AHNAK: variants seen among roughly 807,000 people sequenced by gnomAD.
The protein encoded by AHNAK is neuroblast differentiation-associated protein AHNAK.
In AHNAK, 23 loss-of-function variants were observed where a neutral mutation model predicts 37.8. The observed-to-expected ratio is 0.61, with a 90% CI of 0.44 to 0.86. The LOEUF is 0.86. Among genes scored for constraint, AHNAK ranks in the 40% least tolerant of loss-of-function variants. The pLI is 0.00. For missense variants in AHNAK, 7,411 were observed against 7,319.4 expected, an observed-to-expected ratio of 1.01 and a Z score of -0.46; for synonymous variants, 2,481 against 2,636.3, an observed-to-expected ratio of 0.94 and a Z score of 1.80.
Position 62,529,021 on chromosome 11 carries a change from A to C in AHNAK, c.5396T>G (p.Ile1799Arg), listed in dbSNP as rs759184806. 3 of 1,613,804 alleles carry C rather than the reference A, an allele frequency of 1.9e-6. No individual in the cohort carries two copies. The African/African-American group carries it at 4.0e-5, about 22-fold the overall frequency. ...NLKGPKLKGE[I>R]DASVPELEGD... is the part of the protein sequence containing the mutation. ...TTCCAGTTCTGGCACAGAAGCATCT[A>C]TCTCTCCCTTCAGTTTGGGTCCCTT... The change falls in exon 5 of 5, where the codon ATA (isoleucine) becomes AGA (arginine). Residue 1799 changes from isoleucine to arginine, a missense_variant. By Grantham distance (97) the Ile-to-Arg change is moderately conservative. Transcript: ENST00000378024.
At chr11:62,474,809 T>A (rs929379541) in intron 5 of AHNAK, among the ~76,000 whole-genome samples, 1 of 152,200 alleles carries the variant, frequency 6.6e-6, no homozygotes, top group Non-Finnish European at 1.5e-5. Context: ...CCCAACATCC[T>A]GGTGCTTGAA....
At chr11:62,433,589 C>A in exon 6 of AHNAK, 1 of 502,974 alleles carries the variant, frequency 2.0e-6, no homozygotes, top group Non-Finnish European at 3.5e-6. Context: ...AGGATAATCA[C>A]CTGAGCACCA....
At position 62,522,400 on chromosome 11, in the gene AHNAK, A is replaced by G; in HGVS notation, c.12017T>C (p.Phe4006Ser). 1 of 1,614,096 alleles carries G rather than the reference A, an allele frequency of 6.2e-7. No individual in the cohort carries two copies. The highest frequency in any genetic ancestry group is 8.5e-7 in the Non-Finnish European group (1 of 1,180,014). Residue 4006 changes from phenylalanine to serine, a missense_variant, in exon 5 of 5, where the codon TTT becomes TCT. By Grantham distance (155) the Phe-to-Ser change is radical. Transcript: ENST00000378024. ...IKAPKISMPD[F>S]DLHLKGPKVK... ...CTTAGGGCCTTTCAGATGCAAATCA[A>G]AGTCAGGCATGGAGATCTTGGGGGC...
At chr11:62,439,664 G>GTTTTTTTTTTTTT (rs1565194563) in intron 5 of AHNAK, among the ~76,000 whole-genome samples, 3 of 126,420 alleles carry the variant, frequency 2.4e-5, no homozygotes, top group Admixed American at 1.7e-4. Flanking sequence ...ATTTTTGTGT[G>GTTTTTTTTTTTTT]ATTTTTTTTT....
At chr11:62,485,636 A>G (rs1203056680) in intron 5 of AHNAK, among the ~76,000 whole-genome samples, 1 of 143,152 alleles carries the variant, frequency 7.0e-6, no homozygotes, top group Non-Finnish European at 1.5e-5. Context: ...TGGGAGGCAG[A>G]GGTTACAGTG....
Position 62,532,778 on chromosome 11 carries a change from T to C in AHNAK, c.1639A>G (p.Asn547Asp). ...GGGCCTGTCAAGGTTCCCTCTAGGT[T>C]TGGTGTCTCTATGTCCACTCTGGAG... ...KGSRVDIETPNLEGTLTGPRL... is the reference protein window; with the variant it reads ...KGSRVDIETPDLEGTLTGPRL... Residue 547 changes from asparagine to aspartate, a missense_variant, in exon 5 of 5, where the codon AAC becomes GAC. By Grantham distance (23) the Asn-to-Asp change is conservative (BLOSUM62 1). Coordinates refer to ENST00000378024, the MANE Select transcript of AHNAK (RefSeq NM_001620.3). 3 of 1,614,144 alleles carry C rather than the reference T, an allele frequency of 1.9e-6. No homozygotes were observed. The highest frequency in any genetic ancestry group is 2.5e-6 in the Non-Finnish European group (3 of 1,180,030).
intron 5 of AHNAK, among the ~76,000 whole-genome samples, chr11:62,442,398 A>G (rs1344295458): frequency 6.6e-6 from 1 of 152,048 alleles, no homozygotes; most frequent in Non-Finnish European, 1.5e-5. Flanking sequence ...AAATACAAAA[A>G]TTAGCCAGGC....
chr11:62,525,934 ATCTCTGGCATCT>A lies in AHNAK; in HGVS notation c.8471_8482del (p.Lys2824_Glu2827del). ...GGATATCTTTGGAGTCTTAAAATGC[ATCTCTGGCATCT>A]TAAACTTTGGACTTTTCCACTTTCC... On this transcript the variant is annotated inframe_deletion, in exon 5 of 5. Coordinates refer to ENST00000378024, the MANE Select transcript of AHNAK (RefSeq NM_001620.3). 1 of 1,614,216 alleles carries A rather than the reference ATCTCTGGCATCT, an allele frequency of 6.2e-7. No individual in the cohort carries two copies. Among genetic ancestry groups the A allele is most frequent in the Non-Finnish European group, 8.5e-7 (1 of 1,180,036 alleles).
In AHNAK at chr11:62,517,780, G is replaced by A; in HGVS notation, c.16637C>T (p.Pro5546Leu). ...GAAPDISVKG[P>L]AFNMASPESD... Reference sequence around the variant, plus strand: ...CTCAGGAGATGCCATATTAAAGGCAGGCCCCTTCACACTGATATCAGGAGC... The same window carrying A: ...CTCAGGAGATGCCATATTAAAGGCAAGCCCCTTCACACTGATATCAGGAGC... The change falls in exon 5 of 5, where the codon CCT becomes CTT. Residue 5546 changes from proline (P) to leucine (L), a missense_variant. By Grantham distance (98) the Pro-to-Leu change is moderately conservative. Coordinates refer to ENST00000378024, the MANE Select transcript of AHNAK (RefSeq NM_001620.3). 1 of 1,614,142 alleles carries A rather than the reference G, an allele frequency of 6.2e-7. No homozygotes were observed. The highest frequency in any genetic ancestry group is 8.5e-7 in the Non-Finnish European group (1 of 1,180,024).
At chr11:62,449,991 T>C (rs187846268) in intron 5 of AHNAK, among the ~76,000 whole-genome samples, 73 of 152,268 alleles carry the variant, frequency 4.8e-4, no homozygotes, top group African/African-American at 1.7e-3. Flanking sequence ...ACATCTGTAA[T>C]CCCAGTGCTT....
chr11:62,474,842 C>T (rs539442287), intron 5 of AHNAK, among the ~76,000 whole-genome samples: 1 of 152,276 alleles, frequency 6.6e-6, no homozygotes, highest in East Asian at 1.9e-4. Flanking sequence ...TCTTCCTTCT[C>T]CCACCTTCAG....
At chr11:62,484,936 C>T (rs113369178) in intron 5 of AHNAK, among the ~76,000 whole-genome samples, 50 of 152,136 alleles carry the variant, frequency 3.3e-4, no homozygotes, top group African/African-American at 1.1e-3. Flanking sequence ...ATTACAGGCA[C>T]GCGCCACCAC....
rs1172387950 is a variant in AHNAK at position 62,524,210 on chromosome 11, A to G, written c.10207T>C (p.Phe3403Leu). The change falls in exon 5 of 5, where the codon TTT becomes CTT. Residue 3403 changes from phenylalanine to leucine, a missense_variant. Transcript: ENST00000378024. Reference protein sequence around the residue: ...EVQGKVKGSKFKMPFLSISSP... With the variant: ...EVQGKVKGSKLKMPFLSISSP... ...GAAATACTCAGGAAAGGCATTTTAA[A>G]CTTGGATCCTTTCACTTTTCCTTGG... 4 of 1,612,840 alleles carry G rather than the reference A, an allele frequency of 2.5e-6. No homozygotes were observed. In the Admixed American group the frequency reaches 5.0e-5, roughly 20 times the overall value.
chr11:62,508,586 T>C (rs1234887177), intron 4 of AHNAK, among the ~76,000 whole-genome samples: 1 of 152,202 alleles, frequency 6.6e-6, no homozygotes, highest in Non-Finnish European at 1.5e-5. Flanking sequence ...TGGTGGAAAA[T>C]AACAGAGGCA....
At chr11:62,534,772 T>C (rs928267083) in intron 4 of AHNAK, among the ~76,000 whole-genome samples, 2 of 152,084 alleles carry the variant, frequency 1.3e-5, no homozygotes, top group Non-Finnish European at 2.9e-5. Context: ...TCCCATACTG[T>C]GGCCGCTCTG....
rs1565194563 is a variant in AHNAK, at chr11:62,439,664, G to GTTTTTT, written c.443-5774_443-5773insAAAAAA. On this transcript the variant is annotated intron_variant, in intron 5 of 5. Coordinates refer to the AHNAK transcript ENST00000257247. ...TTTGGTTTGTTTTGGATTTTTGTGT[G>GTTTTTT]ATTTTTTTTTTTTTTTTTTTTGAGA... 8.7e-5 allele frequency among the ~76,000 whole-genome samples: 11 copies of GTTTTTT among 126,422 alleles called. 4 individuals carry two copies. The highest frequency in any genetic ancestry group is 1.7e-4 in the Admixed American group (2 of 11,526). 82.9% of individuals were successfully genotyped at this position (126,422 alleles called of 152,430 possible).
At chr11:62,486,579 C>T (rs1409785358) in intron 5 of AHNAK, among the ~76,000 whole-genome samples, 2 of 151,104 alleles carry the variant, frequency 1.3e-5, no homozygotes, top group African/African-American at 4.9e-5. Flanking sequence ...TGGTGGTTGC[C>T]GGGGGCTGGA....
chr11:62,535,305 G>A, intron 3 of AHNAK, 115 bp from the exon 4 acceptor site: 2 of 963,780 alleles, frequency 2.1e-6, no homozygotes, highest in Admixed American at 2.5e-5. Flanking sequence ...CCTGCAAGGT[G>A]GGCATGGTAA....
chr11:62,503,175 C>G (rs948149676), intron 4 of AHNAK, among the ~76,000 whole-genome samples: 1 of 152,164 alleles, frequency 6.6e-6, no homozygotes, highest in African/African-American at 2.4e-5. Flanking sequence ...TTTTTCCTGT[C>G]CTTATTTCTG....
Sources: gnomAD v4.1 joint callset for allele counts (sites outside exome capture counted in the v4.1 genomes callset) on GRCh38, gnomAD v4.1.1 for gene constraint, MANE v1.5 for transcripts, NCBI Gene and HGNC (gene_info 2026-07-23, HGNC 2026-07-21) for gene names.